PRKAA1: variants seen among roughly 807,000 people sequenced by gnomAD.
PRKAA1 encodes the protein protein kinase AMP-activated catalytic subunit alpha 1.
In PRKAA1, 23 loss-of-function variants were observed where a neutral mutation model predicts 56.9. The ratio of observed to expected loss-of-function variants is 0.40; its 90% CI spans 0.29 to 0.57. PRKAA1 has a LOEUF of 0.57. Among genes scored for constraint, PRKAA1 ranks in the 20% least tolerant of loss-of-function variants. PRKAA1 has a pLI of 0.39. For synonymous variants in PRKAA1, 226 were observed against 227.0 expected, an observed-to-expected ratio of 1.00 and a Z score of 0.04; for missense variants, 413 against 679.7, an observed-to-expected ratio of 0.61 and a Z score of 4.36.
rs1444272285 is a variant in PRKAA1 at position 40,764,613 on chromosome 5, G to A, written c.1336C>T (p.Arg446Ter). ...GTGCTTGTCACAGGATTCTTCCTTCGTACACGCAAATAATATGGGTTTACA... is the reference window on the plus strand; with the variant it reads ...GTGCTTGTCACAGGATTCTTCCTTCATACACGCAAATAATATGGGTTTACA... ...KVVNPYYLRV[R>*]RKNPVTSTYS... Residue 446 changes from arginine to a stop codon, truncating the protein, a stop_gained, in exon 8 of 9, where the codon CGA (arginine) becomes TGA (stop). Coordinates refer to ENST00000397128, the MANE Select transcript of PRKAA1 (RefSeq NM_006251.6). LOFTEE classifies it high-confidence loss of function. 1.9e-6 allele frequency: 3 copies of A among 1,613,870 alleles called. No homozygotes were observed. Among genetic ancestry groups the A allele is most frequent in the Non-Finnish European group, 2.5e-6 (3 of 1,179,916 alleles).
At chr5:40,770,638 G>A (rs1376851456) in intron 4 of PRKAA1, among the ~76,000 whole-genome samples, 1 of 124,614 alleles carries the variant, frequency 8.0e-6, no homozygotes, top group African/African-American at 3.0e-5. Context: ...TCACTCCGTC[G>A]CCCAGGCCGG....
chr5:40,766,394 A>AG (rs200342612), intron 6 of PRKAA1, among the ~76,000 whole-genome samples: 9 of 152,154 alleles, frequency 5.9e-5, no homozygotes, highest in African/African-American at 1.9e-4. Flanking sequence ...AAATTTCCAC[A>AG]GGGGGGAAAA....
chr5:40,774,545 C>T (rs1464611371), intron 3 of PRKAA1, among the ~76,000 whole-genome samples: 1 of 135,722 alleles, frequency 7.4e-6, no homozygotes, highest in African/African-American at 2.8e-5. Flanking sequence ...TTTCTCCAGG[C>T]AGAATTTTTT....
rs763375324 is a variant in PRKAA1 at position 40,762,929 on chromosome 5, GCATCTGAAT to G, written c.1520_1528del (p.Asp507_Asp509del). On this transcript the variant is annotated inframe_deletion, in exon 9 of 9. Transcript: ENST00000397128. ...TTCTGAGGATTTTCCTTGAGCCTCA[GCATCTGAAT>G]CACTCCTTTGGCAAGATCGATAGTT... 3.7e-6 allele frequency: 6 copies of G among 1,614,192 alleles called. No individual in the cohort carries two copies. Among genetic ancestry groups the G allele is most frequent in the Non-Finnish European group, 5.1e-6 (6 of 1,180,038 alleles).
At chr5:40,775,593 T>A in intron 2 of PRKAA1, 90 bp from the exon 3 acceptor site, 1 of 1,038,742 alleles carries the variant, frequency 9.6e-7, no homozygotes, top group South Asian at 1.5e-5. Flanking sequence ...GTATACCAGG[T>A]ACTAGGCTAG....
In PRKAA1 at chr5:40,760,789, C is replaced by G. The variant is rs1025479187; in HGVS notation, c.*1989G>C. 1.3e-5 allele frequency: 2 copies of G among 152,634 alleles called. No individual in the cohort carries two copies. Among genetic ancestry groups the G allele is most frequent in the African/African-American group, 4.8e-5 (2 of 41,418 alleles). 9.5% of individuals were successfully genotyped at this position (152,634 alleles called of 1,614,324 possible). A position where few individuals can be genotyped will look rare whatever the true frequency, so the allele number is the denominator to read the frequency against. ...TCATGACATTTGAGTTCATTATCAT[C>G]TGGTTACATAAGTGCTCACTGTATT... On this transcript the variant is annotated 3_prime_UTR_variant, in exon 9 of 9. Transcript: ENST00000397128.
In PRKAA1 at chr5:40,762,666, A is replaced by G. The variant is rs894267989; in HGVS notation, c.*112T>C. 5 of 1,385,298 alleles carry G rather than the reference A, an allele frequency of 3.6e-6. No homozygotes were observed. The highest frequency in any genetic ancestry group is 4.9e-6 in the Non-Finnish European group (5 of 1,025,814). The allele number at this position is 1,385,298 out of a possible 1,614,324, so 85.8% of individuals were successfully genotyped here. A position where few individuals can be genotyped will look rare whatever the true frequency, so the allele number is the denominator to read the frequency against. ...CAATCCCTGTGCAAATTGCATTCCA[A>G]AACGCCAGCCCTCGGTTATAATTAT... On this transcript the variant is annotated 3_prime_UTR_variant, in exon 9 of 9. Transcript: ENST00000397128.
intron 1 of PRKAA1, among the ~76,000 whole-genome samples, chr5:40,792,447 C>A (rs1744755747): frequency 6.6e-6 from 1 of 152,006 alleles, no homozygotes; most frequent in Non-Finnish European, 1.5e-5. Flanking sequence ...AAAATAATTC[C>A]TAGAAGTTGA....
intron 1 of PRKAA1, among the ~76,000 whole-genome samples, chr5:40,795,924 A>C (rs1381002738): frequency 6.6e-6 from 1 of 152,240 alleles, no homozygotes; most frequent in Non-Finnish European, 1.5e-5. Flanking sequence ...AAGTCACTGG[A>C]GACATTCGTG....
At chr5:40,780,490 C>T (rs779812580) in intron 1 of PRKAA1, among the ~76,000 whole-genome samples, 14 of 152,060 alleles carry the variant, frequency 9.2e-5, no homozygotes, top group South Asian at 2.1e-4. Context: ...ATATGAGAGA[C>T]GATTTATTAG....
chr5:40,784,077 C>T (rs1393029875), intron 1 of PRKAA1, among the ~76,000 whole-genome samples: 1 of 152,140 alleles, frequency 6.6e-6, no homozygotes, highest in African/African-American at 2.4e-5. Flanking sequence ...AAGCACTTTC[C>T]ACAATGCCTG....
intron 8 of PRKAA1, chr5:40,764,308 TA>T: frequency 2.2e-6 from 1 of 462,744 alleles, no homozygotes; most frequent in Non-Finnish European, 3.7e-6. Flanking sequence ...TACAAGATGA[TA>T]ATCTTAAAAG....
intron 1 of PRKAA1, among the ~76,000 whole-genome samples, chr5:40,778,688 CCT>C (rs1276791327): frequency 5.3e-5 from 8 of 151,808 alleles, no homozygotes; most frequent in African/African-American, 1.9e-4. Context: ...CCATCCATAA[CCT>C]CTTATACCTT....
rs1743338510 is a variant in PRKAA1 at position 40,764,617 on chromosome 5, A to C, written c.1332T>G (p.Arg444=). 1 of 1,614,058 alleles carries C rather than the reference A, an allele frequency of 6.2e-7. No individual in the cohort carries two copies. ...TTGTCACAGGATTCTTCCTTCGTAC[A>C]CGCAAATAATATGGGTTTACAACCT... is the stretch of plus-strand genomic sequence containing the variant. ...EWKVVNPYYL[R]VRRKNPVTST... The change falls in exon 8 of 9, where the codon CGT becomes CGG. Residue 444 remains arginine, a synonymous_variant. Transcript: ENST00000397128.
At chr5:40,777,699 C>T (rs1187806911) in intron 1 of PRKAA1, 113 bp from the exon 2 acceptor site, 11 of 997,144 alleles carry the variant, frequency 1.1e-5, no homozygotes, top group South Asian at 7.4e-5. Flanking sequence ...TTTGGGAGGC[C>T]GAGGCGAGTA....
At chr5:40,796,586 T>G (rs562707370) in intron 1 of PRKAA1, among the ~76,000 whole-genome samples, 21 of 152,300 alleles carry the variant, frequency 1.4e-4, no homozygotes, top group African/African-American at 4.8e-4. Context: ...TCCTAATAGC[T>G]GTTATTACCC....
At chr5:40,796,022 C>A (rs944542738) in intron 1 of PRKAA1, among the ~76,000 whole-genome samples, 1 of 152,158 alleles carries the variant, frequency 6.6e-6, no homozygotes, top group African/African-American at 2.4e-5. Context: ...TTAGCAAATA[C>A]GAAAACAGAC....
At position 40,777,425 on chromosome 5, in the gene PRKAA1, T is replaced by C; in HGVS notation, c.269+20A>G. ...AGATGAAAAGATGACTGGACTATAT[T>C]TAATATAAACAGAGCTTACAGTTTA... On this transcript the variant is annotated intron_variant, in intron 2 of 8. Coordinates refer to ENST00000397128, the MANE Select transcript of PRKAA1 (RefSeq NM_006251.6). The C allele has an allele frequency of 6.4e-7, 1 of 1,557,780 alleles. No homozygotes were observed. The highest frequency in any genetic ancestry group is 8.7e-7 in the Non-Finnish European group (1 of 1,148,056).
At chr5:40,767,427 A>G in intron 6 of PRKAA1, 39 bp downstream of exon 6, 1 of 1,511,716 alleles carries the variant, frequency 6.6e-7, no homozygotes, top group South Asian at 1.2e-5. Context: ...TTTATCATGG[A>G]TACTATCAGA....
Sources: allele counts gnomAD v4.1 joint callset (sites outside exome capture counted in the v4.1 genomes callset), GRCh38; gene constraint gnomAD v4.1.1; transcripts MANE v1.5; gene names NCBI Gene and HGNC (gene_info 2026-07-23, HGNC 2026-07-21).